LRRN2: variants seen among roughly 807,000 people sequenced by gnomAD.
The protein encoded by LRRN2 is leucine-rich repeat neuronal protein 2.
Under a neutral mutation model 35.7 loss-of-function variants are expected in LRRN2, and 10 were observed. The observed-to-expected ratio is 0.28, with a 90% CI of 0.17 to 0.47. The LOEUF is 0.47. LRRN2 is among the 20% of genes least tolerant of loss of function. LRRN2 has a pLI of 0.99. For synonymous variants in LRRN2, 391 were observed against 409.6 expected, an observed-to-expected ratio of 0.95 and a Z score of 0.55; for missense variants, 731 against 940.3, an observed-to-expected ratio of 0.78 and a Z score of 2.91.
At chr1:204,638,033 C>T (rs1006123607) in intron 1 of LRRN2, among the ~76,000 whole-genome samples, 1 of 152,336 alleles carries the variant, frequency 6.6e-6, no homozygotes, top group African/African-American at 2.4e-5. Context: ...TTCTTCTGGT[C>T]TCCCTCCCGC....
chr1:204,639,234 T>G (rs981150553), intron 1 of LRRN2, among the ~76,000 whole-genome samples: 2 of 152,234 alleles, frequency 1.3e-5, no homozygotes, highest in African/African-American at 4.8e-5. Context: ...AAAGATTCAT[T>G]GAGCCCAATC....
chr1:204,672,840 C>G (rs1033547693), intron 1 of LRRN2, among the ~76,000 whole-genome samples: 2 of 152,160 alleles, frequency 1.3e-5, no homozygotes, highest in African/African-American at 2.4e-5. Context: ...AGTGAAGGAG[C>G]GACCACCCAC....
At chr1:204,661,368 C>G (rs1191153541) in intron 1 of LRRN2, among the ~76,000 whole-genome samples, 1 of 152,062 alleles carries the variant, frequency 6.6e-6, no homozygotes, top group Non-Finnish European at 1.5e-5. Context: ...GTTGTATACC[C>G]CATATTCAAA....
At chr1:204,677,473 G>A (rs1668849842) in intron 1 of LRRN2, among the ~76,000 whole-genome samples, 1 of 152,192 alleles carries the variant, frequency 6.6e-6, no homozygotes, top group Non-Finnish European at 1.5e-5. Context: ...TCATGGGGGT[G>A]GAAGTTTGCT....
chr1:204,662,234 G>A (rs1558419531), intron 1 of LRRN2, among the ~76,000 whole-genome samples: 1 of 152,208 alleles, frequency 6.6e-6, no homozygotes, highest in Admixed American at 6.5e-5. Context: ...ATTTGAAAAT[G>A]TGGGCAAATG....
intron 1 of LRRN2, among the ~76,000 whole-genome samples, chr1:204,682,719 T>C (rs944074): frequency 0.91 from 138,711 of 152,252 alleles, 64,138 homozygotes; most frequent in East Asian, 1. Context: ...GCCTTCTACT[T>C]GCCCTGGGCT....
chr1:204,664,786 TC>T (rs1238872900), intron 1 of LRRN2, among the ~76,000 whole-genome samples: 1 of 152,112 alleles, frequency 6.6e-6, no homozygotes, highest in East Asian at 1.9e-4. Context: ...TGGAAGTCCC[TC>T]CCCGTCTTCT....
At chr1:204,670,916 C>T (rs953753372) in intron 1 of LRRN2, among the ~76,000 whole-genome samples, 2 of 152,086 alleles carry the variant, frequency 1.3e-5, no homozygotes, top group African/African-American at 2.4e-5. Flanking sequence ...TTGGCTTGTA[C>T]GGAGAAGAGA....
At chr1:204,634,266 C>T (rs1667778449) in intron 1 of LRRN2, among the ~76,000 whole-genome samples, 1 of 152,128 alleles carries the variant, frequency 6.6e-6, no homozygotes, top group Non-Finnish European at 1.5e-5. Context: ...TCCTGAATTG[C>T]AGGGGAGGGG....
At chr1:204,667,961 T>C (rs918687057) in intron 1 of LRRN2, among the ~76,000 whole-genome samples, 3 of 152,168 alleles carry the variant, frequency 2.0e-5, no homozygotes, top group Non-Finnish European at 4.4e-5. Context: ...TCCTGGAGTC[T>C]GCGGTGAGAA....
At chr1:204,653,878 A>AAAAACTAT (rs1388305278) in intron 1 of LRRN2, among the ~76,000 whole-genome samples, 1 of 143,916 alleles carries the variant, frequency 6.9e-6, no homozygotes, top group Non-Finnish European at 1.5e-5. Context: ...AAAAAAAAAG[A>AAAAACTAT]AAAACTATTT....
chr1:204,665,196 T>A (rs963250430), intron 1 of LRRN2, among the ~76,000 whole-genome samples: 4 of 151,938 alleles, frequency 2.6e-5, no homozygotes, highest in East Asian at 1.9e-4. Flanking sequence ...AGAAAAAAAA[T>A]TTAAAAAGAA....
chr1:204,624,620 G>A (rs1667177931), intron 1 of LRRN2, among the ~76,000 whole-genome samples: 1 of 152,206 alleles, frequency 6.6e-6, no homozygotes, highest in African/African-American at 2.4e-5. Context: ...TGGAGACGCT[G>A]TCACTACTTT....
intron 1 of LRRN2, among the ~76,000 whole-genome samples, chr1:204,627,615 G>C (rs1315029234): frequency 6.6e-6 from 1 of 152,262 alleles, no homozygotes; most frequent in Non-Finnish European, 1.5e-5. Context: ...GTAGCACAGA[G>C]TCATTGCTGT....
chr1:204,657,256 G>GATC (rs1371188454), intron 1 of LRRN2, among the ~76,000 whole-genome samples: 1 of 151,662 alleles, frequency 6.6e-6, no homozygotes, highest in East Asian at 1.9e-4. Context: ...AGTGAGCCAA[G>GATC]ATCACCCCAT....
Position 204,619,582 on chromosome 1 carries a change from A to G in LRRN2, c.411T>C (p.Phe137=), listed in dbSNP as rs1666691499. The G allele has an allele frequency of 1.2e-6, 2 of 1,613,998 alleles. No homozygotes were observed. The highest frequency in any genetic ancestry group is 1.7e-6 in the Non-Finnish European group (2 of 1,180,026). ...GTTCCTGTAGGCTGGCCAGCCCTGC[A>G]AAGCTGTGGTCCTCCAGCCGGGTCA... ...NQLTRLEDHS[F]AGLASLQELY... is the part of the protein sequence containing the mutation. Residue 137 remains phenylalanine, a synonymous_variant, in exon 2 of 2, where the codon TTT becomes TTC. Transcript: ENST00000367177.
intron 1 of LRRN2, among the ~76,000 whole-genome samples, chr1:204,633,592 G>C (rs1667761267): frequency 6.6e-6 from 1 of 152,210 alleles, no homozygotes; most frequent in Non-Finnish European, 1.5e-5. Flanking sequence ...CTCACAGTAA[G>C]AGCGTGATGT....
intron 1 of LRRN2, among the ~76,000 whole-genome samples, chr1:204,657,077 G>T (rs1668372829): frequency 6.6e-6 from 1 of 152,162 alleles, no homozygotes; most frequent in African/African-American, 2.4e-5. Flanking sequence ...ACCGAGGCGG[G>T]TGGACCATCT....
At chr1:204,676,770 TG>T (rs1668834079) in intron 1 of LRRN2, among the ~76,000 whole-genome samples, 1 of 152,102 alleles carries the variant, frequency 6.6e-6, no homozygotes, top group Non-Finnish European at 1.5e-5. Flanking sequence ...GGAGTGGCCC[TG>T]GGGAAATTGA....
Sources: gnomAD v4.1 joint callset for allele counts (sites outside exome capture counted in the v4.1 genomes callset) on GRCh38, gnomAD v4.1.1 for gene constraint, MANE v1.5 for transcripts, NCBI Gene and HGNC (gene_info 2026-07-23, HGNC 2026-07-21) for gene names.